The following CSMD1 variants were observed in gnomAD, a reference collection of about 807,000 sequenced individuals.
CSMD1 encodes the protein CUB and Sushi multiple domains 1.
In CSMD1, 213 loss-of-function variants were observed where a neutral mutation model predicts 417.5. The ratio of observed to expected loss-of-function variants is 0.51; its 90% CI spans 0.46 to 0.57. CSMD1 has a LOEUF of 0.57. Among genes scored for constraint, CSMD1 ranks in the 20% least tolerant of loss-of-function variants. The pLI, the probability that CSMD1 is intolerant of heterozygous loss-of-function variation, is 0.00. For synonymous variants in CSMD1, 2,862 were observed against 1,736.8 expected, an observed-to-expected ratio of 1.65 and a Z score of -16.11; for missense variants, 6,923 against 4,529.7, an observed-to-expected ratio of 1.53 and a Z score of -15.17.
chr8:3,388,584 G>A (rs1014568002), intron 17 of CSMD1, among the ~76,000 whole-genome samples: 8 of 152,056 alleles, frequency 5.3e-5, no homozygotes, highest in African/African-American at 1.4e-4. Context: ...GGTGATCTTC[G>A]GGATATTGTT....
At chr8:3,719,320 A>G (rs2129043913) in intron 6 of CSMD1, among the ~76,000 whole-genome samples, 1 of 152,106 alleles carries the variant, frequency 6.6e-6, no homozygotes, top group South Asian at 2.1e-4. Flanking sequence ...CTGAGCTCCA[A>G]TCTCACCCCT....
chr8:4,616,683 A>T (rs972429565), intron 2 of CSMD1, among the ~76,000 whole-genome samples: 21 of 152,220 alleles, frequency 1.4e-4, no homozygotes, highest in Non-Finnish European at 2.9e-4. Flanking sequence ...AACTGACTTT[A>T]AAAGCATCTT....
chr8:4,667,419 T>A (rs1035157537), intron 1 of CSMD1, among the ~76,000 whole-genome samples: 1 of 151,970 alleles, frequency 6.6e-6, no homozygotes, highest in South Asian at 2.1e-4. Context: ...TTGGATTGCA[T>A]TGAATCCAGA....
chr8:4,188,301 T>C (rs1798804317), intron 3 of CSMD1, among the ~76,000 whole-genome samples: 1 of 152,162 alleles, frequency 6.6e-6, no homozygotes, highest in Non-Finnish European at 1.5e-5. Context: ...CCCCCGGTTG[T>C]CAAATCGCTC....
At chr8:4,800,422 G>C (rs574134105) in intron 1 of CSMD1, among the ~76,000 whole-genome samples, 14 of 137,856 alleles carry the variant, frequency 1.0e-4, no homozygotes, top group Middle Eastern at 4.5e-3. Flanking sequence ...TGGGTGACAA[G>C]AGCAAGACTT....
At chr8:4,102,770 A>C (rs1434510874) in intron 3 of CSMD1, among the ~76,000 whole-genome samples, 1 of 152,216 alleles carries the variant, frequency 6.6e-6, no homozygotes, top group Admixed American at 6.5e-5. Context: ...TTAGTCCAGG[A>C]CAACAAAAGG....
At chr8:3,470,831 AGTT>A (rs1243086761) in intron 11 of CSMD1, among the ~76,000 whole-genome samples, 10 of 152,310 alleles carry the variant, frequency 6.6e-5, no homozygotes, top group African/African-American at 2.4e-4. Context: ...GATTTATCCC[AGTT>A]GTTGTTTATA....
At chr8:4,738,401 G>A (rs562924773) in intron 1 of CSMD1, among the ~76,000 whole-genome samples, 2 of 152,240 alleles carry the variant, frequency 1.3e-5, no homozygotes, top group South Asian at 2.1e-4. Flanking sequence ...TCAAATGGTG[G>A]CAGAAGGAGA....
At chr8:4,382,923 G>T (rs1364172275) in intron 3 of CSMD1, among the ~76,000 whole-genome samples, 1 of 152,156 alleles carries the variant, frequency 6.6e-6, no homozygotes, top group African/African-American at 2.4e-5. Context: ...AAGTGGGAAG[G>T]TGTACATTCA....
chr8:4,406,516 T>C (rs970537377), intron 3 of CSMD1, among the ~76,000 whole-genome samples: 3 of 152,192 alleles, frequency 2.0e-5, no homozygotes, highest in South Asian at 2.1e-4. Flanking sequence ...CTAGTTGATA[T>C]TACTTTTCAT....
At chr8:3,589,639 T>G (rs1800760181) in intron 8 of CSMD1, among the ~76,000 whole-genome samples, 1 of 152,010 alleles carries the variant, frequency 6.6e-6, no homozygotes, top group African/African-American at 2.4e-5. Context: ...AAACAAATAA[T>G]ACAAAATTTC....
intron 3 of CSMD1, among the ~76,000 whole-genome samples, chr8:4,122,863 C>G (rs1297072114): frequency 6.6e-6 from 1 of 152,190 alleles, no homozygotes; most frequent in Non-Finnish European, 1.5e-5. Context: ...ACTTGGTCCA[C>G]ATAAAGAAAG....
chr8:4,137,125 G>A (rs956713157), intron 3 of CSMD1, among the ~76,000 whole-genome samples: 1 of 152,166 alleles, frequency 6.6e-6, no homozygotes, highest in African/African-American at 2.4e-5. Flanking sequence ...GTGGAACAGA[G>A]AATAAGCCAT....
Position 4,713,956 on chromosome 8 carries a change from C to G in CSMD1, c.86-76398G>C, listed in dbSNP as rs367999225. Among the ~76,000 whole-genome samples the G allele has an allele frequency of 2.0e-3, 299 of 152,060 alleles. 10 individuals are homozygous for G. The South Asian group carries it at 0.045, about 23-fold the overall frequency. ...GGTCAGGAGTTCAAAACCAGCCTGGCCAACATGGTAAAACCCCGTCTCCAC... is the reference window on the plus strand; with the variant it reads ...GGTCAGGAGTTCAAAACCAGCCTGGGCAACATGGTAAAACCCCGTCTCCAC... On this transcript the variant is annotated intron_variant, in intron 1 of 69. Transcript: ENST00000635120.
intron 3 of CSMD1, among the ~76,000 whole-genome samples, chr8:4,049,589 C>G (rs1304382564): frequency 6.6e-6 from 1 of 152,020 alleles, no homozygotes; most frequent in Non-Finnish European, 1.5e-5. Flanking sequence ...CCTGCTCTGT[C>G]TTTTTTATTT....
chr8:3,916,106 A>G (rs1329732156), intron 5 of CSMD1, among the ~76,000 whole-genome samples: 8 of 152,010 alleles, frequency 5.3e-5, no homozygotes, highest in Admixed American at 4.6e-4. Context: ...TGATTCTGTC[A>G]AAAAAGATAA....
At chr8:3,481,699 G>C (rs1038062885) in intron 11 of CSMD1, among the ~76,000 whole-genome samples, 1 of 152,182 alleles carries the variant, frequency 6.6e-6, no homozygotes. Flanking sequence ...TTCAGGCAGA[G>C]AAGATGGTCT....
At chr8:3,821,100 T>C (rs1480719206) in intron 5 of CSMD1, among the ~76,000 whole-genome samples, 1 of 151,942 alleles carries the variant, frequency 6.6e-6, no homozygotes, top group Non-Finnish European at 1.5e-5. Flanking sequence ...GTATTTTTAG[T>C]AGAAATGGAG....
chr8:3,507,448 A>G (rs1796875609), intron 10 of CSMD1, among the ~76,000 whole-genome samples: 1 of 152,210 alleles, frequency 6.6e-6, no homozygotes, highest in Admixed American at 6.5e-5. Flanking sequence ...TATTGTGAAT[A>G]GTGCCACAGT....
Sources: allele counts gnomAD v4.1 joint callset (sites outside exome capture counted in the v4.1 genomes callset), GRCh38; gene constraint gnomAD v4.1.1; transcripts MANE v1.5; gene names NCBI Gene and HGNC (gene_info 2026-07-23, HGNC 2026-07-21).